Variants in DPYD observed in about 807,000 individuals in gnomAD.
The protein encoded by DPYD is dihydropyrimidine dehydrogenase [NADP(+)].
DPYD carries 109 observed loss-of-function variants against 116.2 expected under a neutral mutation model. The ratio of observed to expected loss-of-function variants is 0.94; its 90% confidence interval spans 0.80 to 1.10. The LOEUF (loss-of-function observed/expected upper bound fraction) is 1.10. Among genes scored for constraint, DPYD ranks in the 50% least tolerant of loss-of-function variants. The pLI is 0.00. For synonymous variants in DPYD, 440 were observed against 432.0 expected (o/e 1.02, Z -0.23); for missense variants, 1,302 against 1,254.5 (o/e 1.04, Z -0.57).
intron 18 of DPYD, among the ~76,000 whole-genome samples, chr1:97,270,566 G>A (rs146665592): frequency 6.6e-6 from 1 of 152,254 alleles, no homozygotes; most frequent in East Asian, 1.9e-4. Context: ...CAAGTGTGGG[G>A]CCAGAAAATA....
At chr1:97,254,490 C>G (rs1046944762) in intron 18 of DPYD, among the ~76,000 whole-genome samples, 11 of 151,860 alleles carry the variant, frequency 7.2e-5, no homozygotes, top group African/African-American at 2.7e-4. Context: ...GGAGTGATGT[C>G]CAATCACCTT....
At chr1:97,717,999 T>C (rs969693988) in intron 5 of DPYD, among the ~76,000 whole-genome samples, 2 of 152,200 alleles carry the variant, frequency 1.3e-5, no homozygotes, top group East Asian at 3.9e-4. Context: ...GTAGGATTGC[T>C]GGATCCAACG....
intron 20 of DPYD, among the ~76,000 whole-genome samples, chr1:97,156,711 A>G (rs1409270578): frequency 6.6e-6 from 1 of 151,952 alleles, no homozygotes; most frequent in African/African-American, 2.4e-5. Context: ...CAGTGTGGCT[A>G]TTCCTCAGGG....
chr1:97,384,297 GGAGAA>G (rs1672176461), intron 14 of DPYD, among the ~76,000 whole-genome samples: 1 of 150,370 alleles, frequency 6.7e-6, no homozygotes, highest in Non-Finnish European at 1.5e-5. Context: ...GTTTTCATCA[GGAGAA>G]TAGAAAGTTG....
intron 20 of DPYD, among the ~76,000 whole-genome samples, chr1:97,173,933 T>C (rs967712625): frequency 6.6e-6 from 1 of 151,028 alleles, no homozygotes; most frequent in East Asian, 2.0e-4. Context: ...ACTAATGCCC[T>C]ACAAAATGCA....
chr1:97,285,151 G>C (rs1466180612), intron 18 of DPYD, among the ~76,000 whole-genome samples: 2 of 152,128 alleles, frequency 1.3e-5, no homozygotes, highest in Non-Finnish European at 2.9e-5. Context: ...TGTATAGAAG[G>C]GATATATGTA....
intron 11 of DPYD, among the ~76,000 whole-genome samples, chr1:97,572,571 TAAG>T (rs1256893684): frequency 1.3e-5 from 2 of 151,950 alleles, no homozygotes; most frequent in African/African-American, 2.4e-5. Flanking sequence ...TATTTAATAG[TAAG>T]AAGAATGGGA....
intron 19 of DPYD, among the ~76,000 whole-genome samples, chr1:97,233,678 C>T (rs1383991003): frequency 6.6e-6 from 1 of 151,990 alleles, no homozygotes; most frequent in Non-Finnish European, 1.5e-5. Flanking sequence ...GGCTGTTGAG[C>T]TTCTTTGGCT....
chr1:97,249,685 C>T (rs1459962796), intron 18 of DPYD, among the ~76,000 whole-genome samples: 2 of 151,976 alleles, frequency 1.3e-5, no homozygotes, highest in South Asian at 4.1e-4. Flanking sequence ...AATATATTCA[C>T]ACACATATAT....
intron 18 of DPYD, among the ~76,000 whole-genome samples, chr1:97,287,573 G>A (rs1295930387): frequency 6.6e-6 from 1 of 152,172 alleles, no homozygotes; most frequent in East Asian, 1.9e-4. Flanking sequence ...GAGCTGTGGT[G>A]GGCTCCACCC....
chr1:97,167,325 T>C (rs1656398357), intron 20 of DPYD, among the ~76,000 whole-genome samples: 1 of 152,170 alleles, frequency 6.6e-6, no homozygotes, highest in African/African-American at 2.4e-5. Context: ...AAAGCACATA[T>C]CACTCCTTTT....
chr1:97,094,600 G>T (rs1294695894), intron 21 of DPYD, among the ~76,000 whole-genome samples: 1 of 152,106 alleles, frequency 6.6e-6, no homozygotes, highest in African/African-American at 2.4e-5. Flanking sequence ...GGAAGAGCAG[G>T]TTTGGAAGGA....
chr1:97,701,914 T>C (rs745520062), intron 5 of DPYD, among the ~76,000 whole-genome samples: 1 of 151,794 alleles, frequency 6.6e-6, no homozygotes, highest in African/African-American at 2.4e-5. Flanking sequence ...TCAGTGTTTT[T>C]ATACATAAGG....
intron 20 of DPYD, among the ~76,000 whole-genome samples, chr1:97,137,680 T>G (rs1653916839): frequency 6.6e-6 from 1 of 152,190 alleles, no homozygotes; most frequent in Non-Finnish European, 1.5e-5. Context: ...TCCTTGTCAC[T>G]AAATGTGATA....
chr1:97,671,905 T>C (rs1194952314), intron 8 of DPYD, among the ~76,000 whole-genome samples: 1 of 147,764 alleles, frequency 6.8e-6, no homozygotes, highest in East Asian at 1.9e-4. Context: ...CTTCTTTTTT[T>C]GTCTTTTCTT....
intron 18 of DPYD, among the ~76,000 whole-genome samples, chr1:97,239,242 T>C (rs865242): frequency 0.25 from 38,590 of 152,072 alleles, 5,224 homozygotes; most frequent in Admixed American, 0.31. Context: ...AAGCCAGAGA[T>C]TTTGAATTAA....
At chr1:97,581,745 C>CAA (rs1226325704) in intron 10 of DPYD, among the ~76,000 whole-genome samples, 80 of 63,230 alleles carry the variant, frequency 1.3e-3, no homozygotes, top group East Asian at 1.7e-3. Context: ...GATCCTGTCT[C>CAA]AAAAAAAAAA....
chr1:97,650,104 C>T (rs1380789861), intron 8 of DPYD, among the ~76,000 whole-genome samples: 1 of 152,096 alleles, frequency 6.6e-6, no homozygotes, highest in African/African-American at 2.4e-5. Flanking sequence ...TCCCTCCTCC[C>T]TCCACTTAGG....
At chr1:97,400,884 A>T (rs1673335316) in intron 14 of DPYD, among the ~76,000 whole-genome samples, 1 of 151,514 alleles carries the variant, frequency 6.6e-6, no homozygotes, top group Admixed American at 6.6e-5. Context: ...TTTTGTTGAG[A>T]TCACATGCTG....
Sources: gnomAD v4.1 joint callset for allele counts (sites outside exome capture counted in the v4.1 genomes callset) on GRCh38, gnomAD v4.1.1 for gene constraint, MANE v1.5 for transcripts, NCBI Gene and HGNC (gene_info 2026-07-23, HGNC 2026-07-21) for gene names.